Variants in ADAMTS2 observed in about 807,000 individuals in gnomAD.
ADAMTS2 encodes the protein ADAM metallopeptidase with thrombospondin type 1 motif 2.
Under a neutral mutation model 123.0 loss-of-function variants are expected in ADAMTS2, and 50 were observed. The ratio of observed to expected loss-of-function variants is 0.41; its 90% CI spans 0.32 to 0.51. The LOEUF is 0.51. Among genes scored for constraint, ADAMTS2 ranks in the 20% least tolerant of loss-of-function variants. The probability of loss-of-function intolerance (pLI) is 0.35; values close to 1 mark genes in which losing one functional copy is unlikely to be tolerated. For missense variants in ADAMTS2, 1,494 were observed against 1,705.2 expected (o/e 0.88, Z 2.18); for synonymous variants, 678 against 695.4 (o/e 0.98, Z 0.39).
chr5:179,176,731 C>T (rs1472152256), intron 5 of ADAMTS2, among the ~76,000 whole-genome samples: 3 of 152,234 alleles, frequency 2.0e-5, no homozygotes, highest in South Asian at 4.1e-4. Context: ...CACATGGGAT[C>T]GTGTCACTGC....
In ADAMTS2 at chr5:179,124,453, C is replaced by T. The variant is rs141481649; in HGVS notation, c.2958+520G>A. ...CTCCCACCTCTGCATGAGACCCAGGCGTCCCCTAGGATCCTGGAGCCCCGA... is the reference window on the plus strand; with the variant it reads ...CTCCCACCTCTGCATGAGACCCAGGTGTCCCCTAGGATCCTGGAGCCCCGA... On this transcript the variant is annotated intron_variant, in intron 19 of 21. Coordinates refer to ENST00000251582, the MANE Select transcript of ADAMTS2 (RefSeq NM_014244.5). Among the ~76,000 whole-genome samples the T allele has an allele frequency of 9.2e-5, 14 of 152,298 alleles. No homozygotes were observed. The East Asian group carries it at 1.4e-3, about 15-fold the overall frequency.
chr5:179,166,437 C>T (rs964817407), intron 5 of ADAMTS2, among the ~76,000 whole-genome samples: 1 of 152,206 alleles, frequency 6.6e-6, no homozygotes, highest in Non-Finnish European at 1.5e-5. Context: ...CAGAAGGTCA[C>T]TTTGCTGAAT....
rs894133378 is a variant in ADAMTS2 at position 179,285,518 on chromosome 5, T to G, written c.535-12454A>C. Among the ~76,000 whole-genome samples the G allele has an allele frequency of 6.6e-6, 1 of 152,014 alleles. No individual in the cohort carries two copies. Among genetic ancestry groups the G allele is most frequent in the Non-Finnish European group, 1.5e-5 (1 of 68,002 alleles). ...GCTCCTGCACACACCAATGCCGGGG[T>G]AGCCTCCAGGAAACAGAGCTGGCCA... On this transcript the variant is annotated intron_variant, in intron 2 of 21. Transcript: ENST00000251582. This position sits in a 1 kb window ranked among gnomAD's most constrained non-coding sequence, Gnocchi z 4.9.
intron 2 of ADAMTS2, among the ~76,000 whole-genome samples, chr5:179,327,242 G>A (rs913237394): frequency 1.5e-4 from 23 of 152,166 alleles, no homozygotes; most frequent in African/African-American, 5.3e-4. Context: ...CCTGCACAAT[G>A]GGAACCCTGA....
chr5:179,174,970 A>G (rs1296624937), intron 5 of ADAMTS2, among the ~76,000 whole-genome samples: 1 of 143,732 alleles, frequency 7.0e-6, no homozygotes, highest in African/African-American at 2.6e-5. Flanking sequence ...CAGCTGTCTC[A>G]GCCATTCTTG....
intron 4 of ADAMTS2, among the ~76,000 whole-genome samples, chr5:179,200,858 TC>T (rs1194354731): frequency 6.6e-6 from 1 of 152,056 alleles, no homozygotes; most frequent in Non-Finnish European, 1.5e-5. Flanking sequence ...GGGAAATATT[TC>T]CCACACATGT....
At chr5:179,209,811 T>G (rs1764810032) in intron 3 of ADAMTS2, among the ~76,000 whole-genome samples, 1 of 152,192 alleles carries the variant, frequency 6.6e-6, no homozygotes, top group Non-Finnish European at 1.5e-5. Flanking sequence ...GTACATTTAT[T>G]TCTTTGCATT....
chr5:179,287,456 C>T (rs1233192890), intron 2 of ADAMTS2, among the ~76,000 whole-genome samples: 1 of 152,184 alleles, frequency 6.6e-6, no homozygotes, highest in Admixed American at 6.5e-5. Context: ...TGCTCCAGAG[C>T]CCACGACTGG....
At chr5:179,315,297 T>TGGCTTCTGGAAAGCACTGAGGCCACAGTG (rs1756959921) in intron 2 of ADAMTS2, among the ~76,000 whole-genome samples, 1 of 152,176 alleles carries the variant, frequency 6.6e-6, no homozygotes, top group Non-Finnish European at 1.5e-5. Context: ...AGGCCACAGT[T>TGGCTTCTGGAAAGCACTGAGGCCACAGTG]GGCTTCTGGA....
chr5:179,132,795 G>A lies in ADAMTS2; in HGVS notation c.2191C>T (p.Arg731Trp), dbSNP rs997669873. The A allele has an allele frequency of 1.2e-5, 19 of 1,614,120 alleles. No homozygotes were observed. Among genetic ancestry groups the A allele is most frequent in the Middle Eastern group, 1.7e-4 (1 of 6,060 alleles). Residue 731 changes from arginine (R) to tryptophan (W), a missense_variant, in exon 14 of 22, where the codon CGG (arginine) becomes TGG (tryptophan). By Grantham distance (101) the Arg-to-Trp change is moderately radical (BLOSUM62 -3). Around this residue, in one of 6 missense-constraint regions of ADAMTS2, gnomAD observed 953 missense variants for 1,124.7 expected, o/e 0.85. Transcript: ENST00000251582. This position sits in a 1 kb window ranked among gnomAD's most constrained non-coding sequence, Gnocchi z 6.1. ...HCKVVKGTFT[R>W]SPKKHGYIKM... is the part of the protein sequence containing the mutation. ...CACTCACCATGCTTCTTGGGTGACC[G>A]TGTGAACGTGCCCTTGACCACTTTG...
chr5:179,280,255 A>G (rs373109856), intron 2 of ADAMTS2, among the ~76,000 whole-genome samples: 1 of 152,142 alleles, frequency 6.6e-6, no homozygotes, highest in Non-Finnish European at 1.5e-5. Context: ...TCACATGCCC[A>G]GCGAGGCTCT....
Position 179,158,587 on chromosome 5 carries a change from C to T in ADAMTS2, c.1132+136G>A. 1.7e-6 allele frequency: 2 copies of T among 1,156,226 alleles called. No individual in the cohort carries two copies. Among genetic ancestry groups the T allele is most frequent in the South Asian group, 1.3e-5 (1 of 78,764 alleles). The allele number at this position is 1,156,226 out of a possible 1,614,324, so 71.6% of individuals were successfully genotyped here. ...ATCAGTGCACTGCCCCACACCCTCA[C>T]CCAGCTAAGGTGGCCACGGCCTTCC... On this transcript the variant is annotated intron_variant, in intron 6 of 21. Transcript: ENST00000251582. The surrounding 1 kb of genome is among the most constrained non-coding windows in gnomAD (Gnocchi z 5.0).
At chr5:179,300,106 A>G (rs1335253882) in intron 2 of ADAMTS2, among the ~76,000 whole-genome samples, 2 of 151,574 alleles carry the variant, frequency 1.3e-5, no homozygotes, top group Admixed American at 6.6e-5. Flanking sequence ...AAAAAAAAAA[A>G]AAAAAAAGAA....
chr5:179,299,501 C>A (rs4485912), intron 2 of ADAMTS2, among the ~76,000 whole-genome samples: 1 of 142,140 alleles, frequency 7.0e-6, no homozygotes, highest in Non-Finnish European at 1.5e-5. Context: ...AGCACTCCAG[C>A]CTGGGCAACA....
At position 179,185,135 on chromosome 5, in the gene ADAMTS2, G is replaced by A. The variant is rs957798269; in HGVS notation, c.892-3980C>T. Among the ~76,000 whole-genome samples, 2 of 152,156 alleles carry A rather than the reference G, an allele frequency of 1.3e-5. No individual in the cohort carries two copies. Among genetic ancestry groups the A allele is most frequent in the African/African-American group, 4.8e-5 (2 of 41,428 alleles). On this transcript the variant is annotated intron_variant, in intron 4 of 21. Coordinates refer to ENST00000251582, the MANE Select transcript of ADAMTS2 (RefSeq NM_014244.5). The surrounding 1 kb of genome is among the most constrained non-coding windows in gnomAD (Gnocchi z 5.9). ...GCAGAGGAGGTGGGAGGGGAGCACTGAGGCCAGACCACGAAGTCAGGAGAA... is the reference window on the plus strand; with the variant it reads ...GCAGAGGAGGTGGGAGGGGAGCACTAAGGCCAGACCACGAAGTCAGGAGAA...
chr5:179,297,440 G>C (rs1341793778), intron 2 of ADAMTS2, among the ~76,000 whole-genome samples: 5 of 152,014 alleles, frequency 3.3e-5, no homozygotes, highest in Non-Finnish European at 5.9e-5. Context: ...CAAGAACCAA[G>C]AGGTGAAGTT....
At position 179,225,714 on chromosome 5, in the gene ADAMTS2, C is replaced by T. The variant is rs549076860; in HGVS notation, c.689-17999G>A. Reference sequence around the variant, plus strand: ...GGAGAGCCCAGGCTGCTTAGCGGCCCGACTCCAGGGAAAGCCCTTTGCACC... The same window carrying T: ...GGAGAGCCCAGGCTGCTTAGCGGCCTGACTCCAGGGAAAGCCCTTTGCACC... On this transcript the variant is annotated intron_variant, in intron 3 of 21. Coordinates refer to ENST00000251582, the MANE Select transcript of ADAMTS2 (RefSeq NM_014244.5). The surrounding 1 kb of genome is among the most constrained non-coding windows in gnomAD (Gnocchi z 4.5). Among the ~76,000 whole-genome samples the T allele has an allele frequency of 5.9e-5, 9 of 152,152 alleles. No individual in the cohort carries two copies. Among genetic ancestry groups the T allele is most frequent in the East Asian group, 1.9e-4 (1 of 5,190 alleles).
intron 5 of ADAMTS2, among the ~76,000 whole-genome samples, chr5:179,166,549 G>A (rs1000263988): frequency 6.6e-6 from 1 of 152,142 alleles, no homozygotes; most frequent in Non-Finnish European, 1.5e-5. Context: ...GTAACCCCAC[G>A]GGCCTCAGGG....
chr5:179,231,294 C>T (rs539217262), intron 3 of ADAMTS2, among the ~76,000 whole-genome samples: 58 of 152,254 alleles, frequency 3.8e-4, no homozygotes, highest in Non-Finnish European at 5.4e-4. Flanking sequence ...TGATGCTGGA[C>T]GAGTAAGTAC....
Sources: allele counts gnomAD v4.1 joint callset (sites outside exome capture counted in the v4.1 genomes callset), GRCh38; gene constraint gnomAD v4.1.1; regional missense constraint gnomAD v4.1.1; non-coding constraint Gnocchi (gnomAD v3.1); transcripts MANE v1.5; gene names NCBI Gene and HGNC (gene_info 2026-07-23, HGNC 2026-07-21).